The following ASPHD2 variants were observed in gnomAD, a reference collection of about 807,000 sequenced individuals.
ASPHD2 encodes the protein aspartate beta-hydroxylase domain containing 2.
In ASPHD2, 12 loss-of-function variants were observed where a neutral mutation model predicts 34.6. The ratio of observed to expected loss-of-function variants is 0.35; its 90% CI spans 0.22 to 0.56. The LOEUF is 0.56. ASPHD2 is among the 20% of genes least tolerant of loss of function. The pLI, the probability that ASPHD2 is intolerant of heterozygous loss-of-function variation, is 0.87. For synonymous variants in ASPHD2, 224 were observed against 212.2 expected (o/e 1.06, Z -0.48); for missense variants, 375 against 505.0 (o/e 0.74, Z 2.47).
intron 2 of ASPHD2, among the ~76,000 whole-genome samples, chr22:26,434,771 A>G (rs2084780568): frequency 6.6e-6 from 1 of 152,220 alleles, no homozygotes; most frequent in African/African-American, 2.4e-5. Context: ...TCATTGTCCA[A>G]AATGGTAGCC....
At chr22:26,442,302 C>T (rs894748114) in intron 2 of ASPHD2, among the ~76,000 whole-genome samples, 157 bp from the exon 3 acceptor site, 4 of 152,098 alleles carry the variant, frequency 2.6e-5, no homozygotes, top group African/African-American at 9.7e-5. Flanking sequence ...GGACACAAGC[C>T]CACAAGCCTT....
intron 2 of ASPHD2, among the ~76,000 whole-genome samples, chr22:26,440,375 A>T (rs532282544): frequency 2.0e-5 from 3 of 151,994 alleles, no homozygotes; most frequent in African/African-American, 2.4e-5. Context: ...CGATTCGCCC[A>T]GGCTGGAGTG....
chr22:26,442,443 C>A lies in ASPHD2; in HGVS notation c.887-16C>A. On this transcript the variant is annotated splice_polypyrimidine_tract_variant and intron_variant, in intron 2 of 3. Coordinates refer to ENST00000215906, the MANE Select transcript of ASPHD2 (RefSeq NM_020437.5). Reference sequence around the variant, plus strand: ...CTTGCCTGCCTTCACTCTCCTTTCTCTGGTTTTCCTACAAGGTCTGAAAAC... The same window carrying A: ...CTTGCCTGCCTTCACTCTCCTTTCTATGGTTTTCCTACAAGGTCTGAAAAC... The A allele has an allele frequency of 6.4e-7, 1 of 1,551,776 alleles. No individual in the cohort carries two copies. The highest frequency in any genetic ancestry group is 8.8e-7 in the Non-Finnish European group (1 of 1,140,946).
Position 26,438,496 on chromosome 22 carries a change from C to CATATAT in ASPHD2, c.887-3962_887-3961insTATATA, listed in dbSNP as rs1568983882. ...ATATATATACATATATATAGATACA[C>CATATAT]ACATACATATATATACATACATATA... On this transcript the variant is annotated intron_variant, in intron 2 of 3. Transcript: ENST00000215906. Among the ~76,000 whole-genome samples the CATATAT allele has an allele frequency of 5.3e-3, 465 of 88,360 alleles. 14 individuals are homozygous for CATATAT. The East Asian group carries it at 0.092, about 17-fold the overall frequency. 58.0% of individuals were successfully genotyped at this position (88,360 alleles called of 152,430 possible).
Position 26,442,690 on chromosome 22 carries a change from A to C in ASPHD2, c.1000+118A>C, listed in dbSNP as rs372284564. 5.9e-5 allele frequency: 41 copies of C among 693,094 alleles called. No homozygotes were observed. In the African/African-American group the frequency reaches 6.5e-4, roughly 11 times the overall value. The allele number at this position is 693,094 out of a possible 1,614,324, so 42.9% of individuals were successfully genotyped here. A position where few individuals can be genotyped will look rare whatever the true frequency, so the allele number is the denominator to read the frequency against. On this transcript the variant is annotated intron_variant, in intron 3 of 3. Transcript: ENST00000215906. ...AGTACCAAGGAGGCCCCTTCATATC[A>C]CCCCATAACACATATACACACACAG... is the stretch of plus-strand genomic sequence containing the variant.
At position 26,443,161 on chromosome 22, in the gene ASPHD2, G is replaced by A. The variant is rs751325098; in HGVS notation, c.1065G>A (p.Ala355=). 2.1e-5 allele frequency: 34 copies of A among 1,614,008 alleles called. No individual in the cohort carries two copies. Among genetic ancestry groups the A allele is most frequent in the South Asian group, 6.6e-5 (6 of 91,084 alleles). The stretch of plus-strand genomic sequence containing the variant: ...ATTTGTGGCATCCAAACGTCGCAGC[G>A]GCCGAACGGCAGGCTCTTGATTTCA... The part of the protein sequence containing the change: ...MVDLWHPNVA[A]AERQALDFIF... Residue 355 remains alanine (A), a synonymous_variant, in exon 4 of 4, where the codon GCG becomes GCA. Transcript: ENST00000215906.
Position 26,433,659 on chromosome 22 carries a change from C to G in ASPHD2, c.44C>G (p.Thr15Ser). ...PLGPPRTDCL[T>S]LLHTPSKDSP... ...GGACCCCCGAGGACTGATTGTCTGACCTTGCTTCACACGCCCAGTAAGGAC... is the reference window on the plus strand; with the variant it reads ...GGACCCCCGAGGACTGATTGTCTGAGCTTGCTTCACACGCCCAGTAAGGAC... The change falls in exon 2 of 4, where the codon ACC becomes AGC. Residue 15 changes from threonine to serine, a missense_variant. This residue lies in a region of ASPHD2 where 223 missense variants were observed against 257.8 expected (regional missense o/e 0.87). Transcript: ENST00000215906. The surrounding 1 kb of genome is among the most constrained non-coding windows in gnomAD (Gnocchi z 5.1). The G allele has an allele frequency of 1.2e-6, 2 of 1,614,150 alleles. No individual in the cohort carries two copies. Among genetic ancestry groups the G allele is most frequent in the Non-Finnish European group, 1.7e-6 (2 of 1,180,030 alleles).
At chr22:26,439,151 CACT>C (rs2084819982) in intron 2 of ASPHD2, among the ~76,000 whole-genome samples, 1 of 152,222 alleles carries the variant, frequency 6.6e-6, no homozygotes, top group Non-Finnish European at 1.5e-5. Flanking sequence ...GTAATCCCAG[CACT>C]TTGGGAGGCC....
In ASPHD2 at chr22:26,443,481, G is replaced by C. The variant is rs1601709440; in HGVS notation, c.*275G>C. The C allele has an allele frequency of 8.7e-6, 3 of 343,204 alleles. No individual in the cohort carries two copies. In the East Asian group the frequency reaches 1.9e-4, roughly 22 times the overall value. 21.3% of individuals were successfully genotyped at this position (343,204 alleles called of 1,614,324 possible). A position where few individuals can be genotyped will look rare whatever the true frequency, so the allele number is the denominator to read the frequency against. On this transcript the variant is annotated 3_prime_UTR_variant, in exon 4 of 4. Coordinates refer to ENST00000215906, the MANE Select transcript of ASPHD2 (RefSeq NM_020437.5). ...GGCCTAACAGCGCATTCCTTTGATT[G>C]GTCCTTGAGTGACCAGAGACTTAGT...
chr22:26,432,161 C>G (rs2084760793), intron 1 of ASPHD2, among the ~76,000 whole-genome samples: 1 of 152,198 alleles, frequency 6.6e-6, no homozygotes, highest in Non-Finnish European at 1.5e-5. Context: ...CACCATTGCA[C>G]CCCAGCCTGG....
chr22:26,431,432 AC>A (rs1252216603), intron 1 of ASPHD2, among the ~76,000 whole-genome samples: 35 of 142,762 alleles, frequency 2.5e-4, no homozygotes, highest in African/African-American at 5.8e-4. Context: ...AAAAAAAAAA[AC>A]AAAAGAAAAC....
rs1330934444 is a variant in ASPHD2, at chr22:26,433,008, T to C, written c.-224-384T>C. ...AGTATAAGCATTGATTAAATACCTA[T>C]GATGAAATAGCACAGCAAAATGGGT... On this transcript the variant is annotated intron_variant, in intron 1 of 3. Transcript: ENST00000215906. This position sits in a 1 kb window ranked among gnomAD's most constrained non-coding sequence, Gnocchi z 5.1. 7.2e-5 allele frequency among the ~76,000 whole-genome samples: 11 copies of C among 152,336 alleles called. No homozygotes were observed. In the East Asian group the frequency reaches 1.9e-3, roughly 27 times the overall value.
In ASPHD2 at chr22:26,433,044, C is replaced by T. The variant is rs1348947872; in HGVS notation, c.-224-348C>T. ...CACAGCAAAATGGGTAGACATGGGCCTTGAAGTCAGATGGGGTTTGAGTCT... is the reference window on the plus strand; with the variant it reads ...CACAGCAAAATGGGTAGACATGGGCTTTGAAGTCAGATGGGGTTTGAGTCT... On this transcript the variant is annotated intron_variant, in intron 1 of 3. Transcript: ENST00000215906. This position sits in a 1 kb window ranked among gnomAD's most constrained non-coding sequence, Gnocchi z 5.1. 2.0e-5 allele frequency among the ~76,000 whole-genome samples: 3 copies of T among 152,126 alleles called. No individual in the cohort carries two copies. Among genetic ancestry groups the T allele is most frequent in the Non-Finnish European group, 4.4e-5 (3 of 68,026 alleles).
chr22:26,435,600 C>A lies in ASPHD2; in HGVS notation c.886+1099C>A, dbSNP rs1234470106. Among the ~76,000 whole-genome samples, 5 of 152,288 alleles carry A rather than the reference C, an allele frequency of 3.3e-5. No individual in the cohort carries two copies. In the East Asian group the frequency reaches 9.6e-4, roughly 29 times the overall value. ...AGCCTCAGGGCTGCCTGGGAAGGAG[C>A]CGGAGCTGGGGGCCCCCGAGCCCTC... On this transcript the variant is annotated intron_variant, in intron 2 of 3. Coordinates refer to ENST00000215906, the MANE Select transcript of ASPHD2 (RefSeq NM_020437.5).
chr22:26,439,653 C>A (rs1387902201), intron 2 of ASPHD2, among the ~76,000 whole-genome samples: 2 of 152,118 alleles, frequency 1.3e-5, no homozygotes, highest in African/African-American at 4.8e-5. Flanking sequence ...AGTAGGAAGA[C>A]ACAGTAGGTC....
In ASPHD2 at chr22:26,435,710, T is replaced by TAAAAGAAAAGAAAAG. The variant is rs139306199; in HGVS notation, c.886+1249_886+1263dup. On this transcript the variant is annotated intron_variant, in intron 2 of 3. Coordinates refer to ENST00000215906, the MANE Select transcript of ASPHD2 (RefSeq NM_020437.5). Reference sequence around the variant, plus strand: ...GTTTGGATGGAGGATATCACTGCACTAAAAGAAAAGAAAAGAAAAGAAAAG... The same window carrying TAAAAGAAAAGAAAAG: ...GTTTGGATGGAGGATATCACTGCACTAAAAGAAAAGAAAAGAAAAGAAAAGAAAAGAAAAGAAAAG... Among the ~76,000 whole-genome samples, 1,017 of 146,006 alleles carry TAAAAGAAAAGAAAAG rather than the reference T, an allele frequency of 7.0e-3. 4 individuals carry two copies. Among genetic ancestry groups the TAAAAGAAAAGAAAAG allele is most frequent in the East Asian group, 0.011 (53 of 4,902 alleles).
At chr22:26,434,581 A>C in intron 2 of ASPHD2, 80 bp downstream of exon 2, 627 of 1,443,310 alleles carry the variant, frequency 4.3e-4, no homozygotes, top group Non-Finnish European at 5.3e-4. Context: ...GCGAAAGCTC[A>C]AATGGTCAGA....
chr22:26,435,888 G>T (rs2084789566), intron 2 of ASPHD2, among the ~76,000 whole-genome samples: 2 of 152,178 alleles, frequency 1.3e-5, no homozygotes, highest in South Asian at 4.1e-4. Context: ...CTTTGAGCAG[G>T]TCACTGAGTC....
intron 1 of ASPHD2, among the ~76,000 whole-genome samples, chr22:26,430,802 A>T (rs2084751745): frequency 6.6e-6 from 1 of 152,308 alleles, no homozygotes; most frequent in Non-Finnish European, 1.5e-5. Flanking sequence ...AGTGCTATTT[A>T]TGATCTCGGG....
Sources: gnomAD v4.1 joint callset for allele counts (sites outside exome capture counted in the v4.1 genomes callset) on GRCh38, gnomAD v4.1.1 for gene constraint, gnomAD v4.1.1 regional missense constraint, Gnocchi (gnomAD v3.1) non-coding constraint, MANE v1.5 for transcripts, NCBI Gene and HGNC (gene_info 2026-07-23, HGNC 2026-07-21) for gene names.